MDFI: variants seen among roughly 807,000 people sequenced by gnomAD.
MDFI encodes MyoD family inhibitor, also known as inhibitor of MyoD family a.
MDFI carries 16 observed loss-of-function variants against 22.3 expected under a neutral mutation model. The ratio of observed to expected loss-of-function variants is 0.72; its 90% CI spans 0.49 to 1.09. MDFI has a LOEUF of 1.09. MDFI is among the 50% of genes least tolerant of loss of function. The pLI is 0.00. For synonymous variants in MDFI, 145 were observed against 142.7 expected (o/e 1.02, Z -0.12); for missense variants, 314 against 326.1 (o/e 0.96, Z 0.29).
chr6:41,640,595 G>A (rs539084779), intron 2 of MDFI, among the ~76,000 whole-genome samples: 164 of 152,360 alleles, frequency 1.1e-3, no homozygotes, highest in African/African-American at 3.8e-3. Context: ...CCCCACAGAT[G>A]CCTGAATTTG....
chr6:41,648,396 T>C (rs1768136724), intron 3 of MDFI, among the ~76,000 whole-genome samples: 2 of 152,184 alleles, frequency 1.3e-5, no homozygotes, highest in African/African-American at 2.4e-5. Context: ...AGCAAGTACT[T>C]AGAAGGGCTG....
rs764640849 is a variant in MDFI at position 41,653,292 on chromosome 6, G to A, written c.485-27G>A. The A allele has an allele frequency of 2.1e-5, 33 of 1,576,092 alleles. No homozygotes were observed. Among genetic ancestry groups the A allele is most frequent in the South Asian group, 2.2e-5 (2 of 89,898 alleles). On this transcript the variant is annotated intron_variant, in intron 4 of 4. Coordinates refer to ENST00000230321, the MANE Select transcript of MDFI (RefSeq NM_005586.4). This position sits in a 1 kb window ranked among gnomAD's most constrained non-coding sequence, Gnocchi z 4.2. ...CGCTCATCCCTCCCCTCTCTCACCCGTCCCCCTCTCCACCGCCACCCCGCA... is the reference window on the plus strand; with the variant it reads ...CGCTCATCCCTCCCCTCTCTCACCCATCCCCCTCTCCACCGCCACCCCGCA...
At position 41,650,023 on chromosome 6, in the gene MDFI, A is replaced by G. The variant is rs923403375; in HGVS notation, c.484+180A>G. 30 of 612,704 alleles carry G rather than the reference A, an allele frequency of 4.9e-5. No homozygotes were observed. The South Asian group carries it at 6.3e-4, about 13-fold the overall frequency. The allele number at this position is 612,704 out of a possible 1,614,324, so 38.0% of individuals were successfully genotyped here. On this transcript the variant is annotated intron_variant, in intron 4 of 4. Transcript: ENST00000230321. Reference sequence around the variant, plus strand: ...TGGAGCTTAACAAGCCCTGCAGGGAACCTGACGCATGACCAAATCTTAGAA... The same window carrying G: ...TGGAGCTTAACAAGCCCTGCAGGGAGCCTGACGCATGACCAAATCTTAGAA...
intron 3 of MDFI, among the ~76,000 whole-genome samples, chr6:41,647,976 G>T (rs1047591857): frequency 2.0e-5 from 3 of 150,506 alleles, no homozygotes; most frequent in African/African-American, 7.4e-5. Context: ...CCCGGGAGGC[G>T]GATGTTGCAG....
intron 3 of MDFI, among the ~76,000 whole-genome samples, chr6:41,646,575 G>A (rs1768059769): frequency 6.6e-6 from 1 of 152,182 alleles, no homozygotes; most frequent in Admixed American, 6.5e-5. Flanking sequence ...CCTGGAGAGA[G>A]GCACCCCCTG....
chr6:41,647,940 A>C (rs1768114431), intron 3 of MDFI, among the ~76,000 whole-genome samples: 1 of 144,018 alleles, frequency 6.9e-6, no homozygotes, highest in Non-Finnish European at 1.5e-5. Context: ...GCTACTCGGG[A>C]GGCTGAGGCA....
At chr6:41,648,947 G>A (rs947197581) in intron 3 of MDFI, among the ~76,000 whole-genome samples, 9 of 152,156 alleles carry the variant, frequency 5.9e-5, no homozygotes, top group African/African-American at 2.2e-4. Flanking sequence ...TCTCCCCACT[G>A]CCCTTCTTCT....
chr6:41,644,350 G>A (rs892475569), intron 2 of MDFI, among the ~76,000 whole-genome samples: 1 of 152,122 alleles, frequency 6.6e-6, no homozygotes, highest in African/African-American at 2.4e-5. Context: ...CAAATCCTAG[G>A]AGCGCCAGCC....
At chr6:41,638,460 G>A, upstream of MDFI, 1 of 466,092 alleles carries the variant, frequency 2.1e-6, no homozygotes, top group Non-Finnish European at 3.8e-6. This position sits in a 1 kb window ranked among gnomAD's most constrained non-coding sequence, Gnocchi z 7.6. Context: ...GCTGGAGGGA[G>A]AGAAGGAAGA....
intron 2 of MDFI, chr6:41,639,273 T>G (rs1451756481): frequency 1.0e-6 from 1 of 985,246 alleles, no homozygotes; most frequent in African/African-American, 1.7e-5. Context: ...CCGAAAACTT[T>G]TGTCTGCCGC....
rs569060104 is a variant in MDFI, at chr6:41,653,294, C to T, written c.485-25C>T. 3 of 1,602,842 alleles carry T rather than the reference C, an allele frequency of 1.9e-6. No homozygotes were observed. Among genetic ancestry groups the T allele is most frequent in the Non-Finnish European group, 2.6e-6 (3 of 1,172,764 alleles). ...CTCATCCCTCCCCTCTCTCACCCGT[C>T]CCCCTCTCCACCGCCACCCCGCAGA... On this transcript the variant is annotated intron_variant, in intron 4 of 4. Transcript: ENST00000230321. The surrounding 1 kb of genome is among the most constrained non-coding windows in gnomAD (Gnocchi z 4.2).
chr6:41,645,681 C>A (rs1423450887), intron 2 of MDFI, among the ~76,000 whole-genome samples: 1 of 152,172 alleles, frequency 6.6e-6, no homozygotes, highest in East Asian at 1.9e-4. Flanking sequence ...ACTGTGGATC[C>A]CTTTTCCGTG....
intron 3 of MDFI, among the ~76,000 whole-genome samples, chr6:41,646,689 C>T (rs1434631790): frequency 6.6e-6 from 1 of 152,180 alleles, no homozygotes; most frequent in Non-Finnish European, 1.5e-5. Flanking sequence ...CCCCCAGTTG[C>T]TCTAGGGCGA....
rs1357418488 is a variant in MDFI at position 41,638,953 on chromosome 6, C to G, written c.76+128C>G. 4.6e-6 allele frequency: 5 copies of G among 1,095,678 alleles called. No individual in the cohort carries two copies. The African/African-American group carries it at 8.1e-5, about 18-fold the overall frequency. 67.9% of individuals were successfully genotyped at this position (1,095,678 alleles called of 1,614,324 possible). On this transcript the variant is annotated intron_variant, in intron 2 of 4. Coordinates refer to ENST00000230321, the MANE Select transcript of MDFI (RefSeq NM_005586.4). This position sits in a 1 kb window ranked among gnomAD's most constrained non-coding sequence, Gnocchi z 7.6. ...CCAGGGAGCTTGGTGGGGGTAGGGA[C>G]GAAAAGTCTGGGTTTGAGGACTTGG...
In MDFI at chr6:41,649,746, G is replaced by A. The variant is rs751663321; in HGVS notation, c.387G>A (p.Lys129=). Residue 129 remains lysine, a synonymous_variant, in exon 4 of 5, where the codon AAG becomes AAA. Transcript: ENST00000230321. ...GALGGPKAHR[K]LQTHPSLASQ... ...TGGGTGGCCCCAAGGCCCACCGGAAGTTGCAGACACACCCATCTCTCGCCA... is the reference window on the plus strand; with the variant it reads ...TGGGTGGCCCCAAGGCCCACCGGAAATTGCAGACACACCCATCTCTCGCCA... 1.3e-5 allele frequency: 21 copies of A among 1,614,020 alleles called. No homozygotes were observed. Among genetic ancestry groups the A allele is most frequent in the Non-Finnish European group, 1.6e-5 (19 of 1,180,024 alleles).
chr6:41,639,194 G>C (rs908386718), intron 2 of MDFI: 1 of 969,348 alleles, frequency 1.0e-6, no homozygotes, highest in Non-Finnish European at 1.2e-6. Flanking sequence ...GGCCTGGTGT[G>C]GGGGAGGGGG....
Position 41,638,705 on chromosome 6 carries a change from T to C in MDFI, c.-11-34T>C. 1.9e-6 allele frequency: 3 copies of C among 1,538,506 alleles called. No individual in the cohort carries two copies. The highest frequency in any genetic ancestry group is 2.6e-6 in the Non-Finnish European group (3 of 1,145,890). On this transcript the variant is annotated intron_variant, in intron 1 of 4. Coordinates refer to ENST00000230321, the MANE Select transcript of MDFI (RefSeq NM_005586.4). This position sits in a 1 kb window ranked among gnomAD's most constrained non-coding sequence, Gnocchi z 7.6. Reference sequence around the variant, plus strand: ...GCGGGGGAATCGCCCCTTGCCCGCCTCCGGCGCCGCCCGCTGAGCCCTGTT... The same window carrying C: ...GCGGGGGAATCGCCCCTTGCCCGCCCCCGGCGCCGCCCGCTGAGCCCTGTT...
rs748404505 is a variant in MDFI at position 41,649,688 on chromosome 6, T to C, written c.329T>C (p.Leu110Pro). 1 of 1,613,812 alleles carries C rather than the reference T, an allele frequency of 6.2e-7. No individual in the cohort carries two copies. The highest frequency in any genetic ancestry group is 1.1e-5 in the South Asian group (1 of 91,054). Residue 110 changes from leucine (L) to proline (P), a missense_variant, in exon 4 of 5, where the codon CTG becomes CCG. Coordinates refer to ENST00000230321, the MANE Select transcript of MDFI (RefSeq NM_005586.4). ...AATGACTCTGGCCACCCCTCAGAGC[T>C]GGGCGGCACCAGACGGGCGGGGAAT... ...LPNDSGHPSELGGTRRAGNGA... is the reference protein window; with the variant it reads ...LPNDSGHPSEPGGTRRAGNGA...
At chr6:41,649,030 C>T (rs1278644065) in intron 3 of MDFI, among the ~76,000 whole-genome samples, 1 of 152,122 alleles carries the variant, frequency 6.6e-6, no homozygotes, top group Non-Finnish European at 1.5e-5. Flanking sequence ...GTTGAGGGTG[C>T]GGAGGGCAGA....
Sources: gnomAD v4.1 joint callset for allele counts (sites outside exome capture counted in the v4.1 genomes callset) on GRCh38, gnomAD v4.1.1 for gene constraint, Gnocchi (gnomAD v3.1) non-coding constraint, MANE v1.5 for transcripts, NCBI Gene and HGNC (gene_info 2026-07-23, HGNC 2026-07-21) for gene names.